Variants in SLC17A4 observed in about 807,000 individuals in gnomAD.
SLC17A4 encodes solute carrier family 17 member 4.
A neutral mutation model predicts 52.5 loss-of-function variants in SLC17A4; 33 were observed. The observed-to-expected ratio is 0.63, with a 90% CI of 0.48 to 0.84. The LOEUF (loss-of-function observed/expected upper bound fraction) is 0.84, where lower values mean the gene tolerates loss of function less well. SLC17A4 is among the 40% of genes least tolerant of loss of function. SLC17A4 has a pLI of 0.00. For synonymous variants in SLC17A4, 225 were observed against 216.2 expected, an observed-to-expected ratio of 1.04 and a Z score of -0.36; for missense variants, 585 against 597.1, an observed-to-expected ratio of 0.98 and a Z score of 0.21.
In SLC17A4 at chr6:25,762,025, C is replaced by T. The variant is rs1251851895; in HGVS notation, c.63C>T (p.Asn21=). 2.5e-6 allele frequency: 4 copies of T among 1,613,512 alleles called. No individual in the cohort carries two copies. The highest frequency in any genetic ancestry group is 1.3e-5 in the African/African-American group (1 of 74,852). ...VGDISSDGNL[N]VAQEECSRKG... is the part of the protein sequence containing the mutation. ...ACATTTCCAGTGATGGCAATTTAAA[C>T]GTGGCTCAAGAGGAATGCTCCAGGA... is the stretch of plus-strand genomic sequence containing the variant. The change falls in exon 2 of 12, where the codon AAC becomes AAT. Residue 21 remains asparagine (N), a synonymous_variant. Coordinates refer to ENST00000377905, the MANE Select transcript of SLC17A4 (RefSeq NM_005495.3).
At chr6:25,757,037 CAGA>C (rs1358638585) in intron 1 of SLC17A4, among the ~76,000 whole-genome samples, 6 of 152,098 alleles carry the variant, frequency 3.9e-5, no homozygotes, top group African/African-American at 1.4e-4. Flanking sequence ...TCAGAATTAC[CAGA>C]ACCATTCCAT....
Position 25,770,050 on chromosome 6 carries a change from C to G in SLC17A4, c.298-17C>G, listed in dbSNP as rs771877983. ...TCCTTCAACTAAAGACAAACAGTAA[C>G]TCTCTTTGTCATCTAGGCCCCTGCA... On this transcript the variant is annotated splice_polypyrimidine_tract_variant and intron_variant, in intron 3 of 11. Transcript: ENST00000377905. The G allele has an allele frequency of 2.5e-6, 4 of 1,603,436 alleles. No individual in the cohort carries two copies. The South Asian group carries it at 4.4e-5, about 18-fold the overall frequency.
At chr6:25,757,743 A>G (rs898632628) in intron 1 of SLC17A4, among the ~76,000 whole-genome samples, 2 of 152,004 alleles carry the variant, frequency 1.3e-5, no homozygotes, top group African/African-American at 2.4e-5. Context: ...AGCTCTTGTG[A>G]CCTGGCATTG....
At chr6:25,771,539 A>G (rs1581402245) in intron 6 of SLC17A4, among the ~76,000 whole-genome samples, 1 of 151,836 alleles carries the variant, frequency 6.6e-6, no homozygotes, top group Admixed American at 6.6e-5. Context: ...ACACTACTGC[A>G]CTCCAGCCTG....
chr6:25,763,849 C>A (rs1351319720), intron 2 of SLC17A4, among the ~76,000 whole-genome samples: 2 of 152,218 alleles, frequency 1.3e-5, no homozygotes, highest in South Asian at 2.1e-4. Context: ...CCTTTTCCCC[C>A]AGAAGTCCAT....
chr6:25,777,588 C>T (rs1038455791), intron 10 of SLC17A4: 30 of 191,676 alleles, frequency 1.6e-4, no homozygotes, highest in African/African-American at 6.9e-4. Flanking sequence ...ACAACAACAA[C>T]AACAACAACA....
intron 10 of SLC17A4, 158 bp downstream of exon 10, chr6:25,777,117 ACT>A: frequency 2.4e-6 from 2 of 825,686 alleles, no homozygotes; most frequent in South Asian, 4.2e-5. Context: ...CCTGGAAGAG[ACT>A]CAAAGCTGGT....
chr6:25,773,530 G>T lies in SLC17A4; in HGVS notation c.843G>T (p.Trp281Cys), dbSNP rs1762649951. Reference sequence around the variant, plus strand: ...TCTTCCAGGACTGTTCACCAGGCTGGTCTCTTCCCATTAGGGCTATGATCA... The same window carrying T: ...TCTTCCAGGACTGTTCACCAGGCTGTTCTCTTCCCATTAGGGCTATGATCA... ...SLAQQDCSPG[W>C]SLPIRAMIKS... is the part of the protein sequence containing the mutation. The change falls in exon 8 of 12, where the codon TGG becomes TGT. Residue 281 changes from tryptophan to cysteine, a missense_variant. Trp to Cys is a radical substitution (Grantham distance 215). Transcript: ENST00000377905. The T allele has an allele frequency of 1.2e-6, 2 of 1,613,876 alleles. No individual in the cohort carries two copies. Among genetic ancestry groups the T allele is most frequent in the Non-Finnish European group, 1.7e-6 (2 of 1,179,868 alleles).
chr6:25,760,503 A>G (rs1761439751), intron 1 of SLC17A4, among the ~76,000 whole-genome samples: 1 of 152,166 alleles, frequency 6.6e-6, no homozygotes, highest in South Asian at 2.1e-4. Flanking sequence ...AATCTGAGAA[A>G]TCTTGTGGTT....
intron 8 of SLC17A4, among the ~76,000 whole-genome samples, 155 bp from the exon 9 acceptor site, chr6:25,776,440 A>G (rs1762924629): frequency 1.3e-5 from 2 of 152,002 alleles, no homozygotes; most frequent in Admixed American, 1.3e-4. Context: ...ATACATACTA[A>G]AAGTATATTG....
chr6:25,770,025 T>A, intron 3 of SLC17A4, 42 bp from the exon 4 acceptor site: 2 of 1,581,204 alleles, frequency 1.3e-6, no homozygotes, highest in African/African-American at 1.3e-5. Flanking sequence ...AAACTGTCAA[T>A]CCTTCAACTA....
At position 25,769,568 on chromosome 6, in the gene SLC17A4, A is replaced by AAAAG. The variant is rs1026478631; in HGVS notation, c.297+394_297+397dup. Among the ~76,000 whole-genome samples, 17 of 152,044 alleles carry AAAAG rather than the reference A, an allele frequency of 1.1e-4. No homozygotes were observed. The South Asian group carries it at 3.1e-3, about 28-fold the overall frequency. ...GTGAGATTCTGTCTTAAAAAAAAAA[A>AAAAG]AAAGAAAGAAAGAAAGAAAAGAAAG... On this transcript the variant is annotated intron_variant, in intron 3 of 11. Coordinates refer to ENST00000377905, the MANE Select transcript of SLC17A4 (RefSeq NM_005495.3).
At position 25,776,576 on chromosome 6, in the gene SLC17A4, C is replaced by T. The variant is rs1274248447; in HGVS notation, c.988-19C>T. 5 of 1,585,522 alleles carry T rather than the reference C, an allele frequency of 3.2e-6. No individual in the cohort carries two copies. The highest frequency in any genetic ancestry group is 4.3e-6 in the Non-Finnish European group (5 of 1,165,342). On this transcript the variant is annotated intron_variant, in intron 8 of 11. Coordinates refer to ENST00000377905, the MANE Select transcript of SLC17A4 (RefSeq NM_005495.3). ...GGGTGGTAAGGGCACATGCACCTGACCTAGTCTCTGGTCCTCAGAGTGGGA... is the reference window on the plus strand; with the variant it reads ...GGGTGGTAAGGGCACATGCACCTGATCTAGTCTCTGGTCCTCAGAGTGGGA...
At chr6:25,764,084 C>A (rs1263675097) in intron 2 of SLC17A4, among the ~76,000 whole-genome samples, 1 of 152,154 alleles carries the variant, frequency 6.6e-6, no homozygotes, top group South Asian at 2.1e-4. Flanking sequence ...GGAGGACACC[C>A]CAAAGTCACA....
intron 1 of SLC17A4, among the ~76,000 whole-genome samples, chr6:25,758,129 G>C (rs1163694581): frequency 1.3e-5 from 2 of 152,148 alleles, no homozygotes; most frequent in East Asian, 3.8e-4. Flanking sequence ...CATGCCCTTA[G>C]ATTCTGAGGC....
intron 5 of SLC17A4, 47 bp downstream of exon 5, chr6:25,770,518 C>G (rs752640625): frequency 6.4e-7 from 1 of 1,559,152 alleles, no homozygotes; most frequent in Non-Finnish European, 8.8e-7. Context: ...TCCAGGAGAA[C>G]TCAGCAAAGT....
rs1302427960 is a variant in SLC17A4, at chr6:25,773,548, T to C, written c.861T>C (p.Ala287=). 5 of 1,613,858 alleles carry C rather than the reference T, an allele frequency of 3.1e-6. No homozygotes were observed. Among genetic ancestry groups the C allele is most frequent in the Non-Finnish European group, 4.2e-6 (5 of 1,179,922 alleles). Residue 287 remains alanine (A), a synonymous_variant, in exon 8 of 12, where the codon GCT becomes GCC. Coordinates refer to ENST00000377905, the MANE Select transcript of SLC17A4 (RefSeq NM_005495.3). The part of the protein sequence containing the change: ...CSPGWSLPIR[A]MIKSLPLWAI... Reference sequence around the variant, plus strand: ...CAGGCTGGTCTCTTCCCATTAGGGCTATGATCAAATCCTTACCACTCTGGG... The same window carrying C: ...CAGGCTGGTCTCTTCCCATTAGGGCCATGATCAAATCCTTACCACTCTGGG...
Position 25,761,951 on chromosome 6 carries a change from G to A in SLC17A4, c.-12G>A. 1 of 1,611,062 alleles carries A rather than the reference G, an allele frequency of 6.2e-7. No individual in the cohort carries two copies. The highest frequency in any genetic ancestry group is 8.5e-7 in the Non-Finnish European group (1 of 1,178,178). On this transcript the variant is annotated 5_prime_UTR_variant, in exon 2 of 12. Coordinates refer to ENST00000377905, the MANE Select transcript of SLC17A4 (RefSeq NM_005495.3). ...GTAAGTAAATGCCAGTCCCTAGGAAGAGAGAACCAAAATGTCTACCGGACC... is the reference window on the plus strand; with the variant it reads ...GTAAGTAAATGCCAGTCCCTAGGAAAAGAGAACCAAAATGTCTACCGGACC...
chr6:25,762,391 T>G (rs2151424063), intron 2 of SLC17A4, among the ~76,000 whole-genome samples: 1 of 152,320 alleles, frequency 6.6e-6, no homozygotes, highest in South Asian at 2.1e-4. Context: ...TAGATCTCTC[T>G]GCTCATGTTA....
Sources: gnomAD v4.1 joint callset for allele counts (sites outside exome capture counted in the v4.1 genomes callset) on GRCh38, gnomAD v4.1.1 for gene constraint, MANE v1.5 for transcripts, NCBI Gene and HGNC (gene_info 2026-07-23, HGNC 2026-07-21) for gene names.